SNX29: variants seen among roughly 807,000 people sequenced by gnomAD.
SNX29 encodes the protein sorting nexin-29.
SNX29 carries 78 observed loss-of-function variants against 102.1 expected under a neutral mutation model. The ratio of observed to expected loss-of-function variants is 0.76; its 90% CI spans 0.64 to 0.92. The LOEUF is 0.92. SNX29 is among the 40% of genes least tolerant of loss of function. The pLI, the probability that SNX29 is intolerant of heterozygous loss-of-function variation, is 0.00. For missense variants in SNX29, 1,280 were observed against 1,061.7 expected (o/e 1.21, Z -2.86); for synonymous variants, 580 against 414.5 (o/e 1.40, Z -4.85).
intron 10 of SNX29, among the ~76,000 whole-genome samples, chr16:12,072,416 C>T (rs371175035): frequency 2.0e-5 from 3 of 152,138 alleles, no homozygotes; most frequent in Non-Finnish European, 2.9e-5. Flanking sequence ...TCTGCATCTA[C>T]TGAGATAATC....
chr16:12,349,365 T>C (rs1026097522), intron 15 of SNX29, among the ~76,000 whole-genome samples: 2 of 152,258 alleles, frequency 1.3e-5, no homozygotes, highest in Non-Finnish European at 2.9e-5. Flanking sequence ...TGTCTAGTGC[T>C]AGATCTGGAC....
At chr16:12,446,077 A>C in intron 18 of SNX29, among the ~76,000 whole-genome samples, 1 of 116,536 alleles carries the variant, frequency 8.6e-6, no homozygotes. Context: ...TTTTTTTGAG[A>C]CAGAGCCTTG....
chr16:12,452,281 A>G (rs1316590582), intron 18 of SNX29, among the ~76,000 whole-genome samples: 1 of 64,266 alleles, frequency 1.6e-5, no homozygotes, highest in Non-Finnish European at 2.9e-5. Flanking sequence ...TTTTATTGTC[A>G]CAACTGGGGT....
At chr16:12,429,328 G>T (rs2085218274) in intron 18 of SNX29, among the ~76,000 whole-genome samples, 1 of 152,236 alleles carries the variant, frequency 6.6e-6, no homozygotes, top group South Asian at 2.1e-4. Context: ...CCAACACATA[G>T]ATACGATTGC....
chr16:12,286,071 G>T (rs999683945), intron 15 of SNX29, among the ~76,000 whole-genome samples: 1 of 151,816 alleles, frequency 6.6e-6, no homozygotes, highest in African/African-American at 2.4e-5. Context: ...TCAAACTCCT[G>T]ACCTCAAGTG....
chr16:12,013,500 A>AAAAAAAAAAAAAAAAAAATATATATAT, intron 3 of SNX29, among the ~76,000 whole-genome samples: 2 of 31,632 alleles, frequency 6.3e-5, no homozygotes, highest in Non-Finnish European at 1.2e-4. Flanking sequence ...AAAAAAAAAA[A>AAAAAAAAAAAAAAAAAAATATATATAT]ATATATATAT....
At chr16:12,553,613 G>C (rs1044042875) in intron 20 of SNX29, among the ~76,000 whole-genome samples, 2 of 137,236 alleles carry the variant, frequency 1.5e-5, no homozygotes, top group Admixed American at 8.5e-5. Flanking sequence ...CCTGCAAGAT[G>C]GAATTTTGTG....
chr16:12,024,534 C>G (rs1381267149), intron 3 of SNX29, among the ~76,000 whole-genome samples: 1 of 152,132 alleles, frequency 6.6e-6, no homozygotes, highest in Non-Finnish European at 1.5e-5. Flanking sequence ...AGTAGAACGG[C>G]CTTTGGCGAG....
At chr16:12,187,695 G>A (rs1388841526) in intron 13 of SNX29, among the ~76,000 whole-genome samples, 8 of 151,904 alleles carry the variant, frequency 5.3e-5, no homozygotes, top group African/African-American at 1.9e-4. Context: ...TTTTTTGAAG[G>A]TGTTTATTTG....
chr16:12,553,877 TC>T (rs937294423), intron 20 of SNX29, among the ~76,000 whole-genome samples: 68 of 151,912 alleles, frequency 4.5e-4, no homozygotes, highest in African/African-American at 1.5e-3. Flanking sequence ...GGAGTCTCAC[TC>T]TTTTGCCTAG....
chr16:12,536,215 A>T (rs1355785086), intron 20 of SNX29, among the ~76,000 whole-genome samples: 2 of 152,168 alleles, frequency 1.3e-5, no homozygotes, highest in East Asian at 3.9e-4. Flanking sequence ...TTGCTGAGTA[A>T]GAACAGGATT....
intron 18 of SNX29, among the ~76,000 whole-genome samples, chr16:12,415,746 G>T (rs1046169625): frequency 6.6e-6 from 1 of 152,172 alleles, no homozygotes; most frequent in African/African-American, 2.4e-5. Context: ...GGGTCTCCAT[G>T]GGGAACAGTT....
At chr16:12,021,655 A>C (rs2057024926) in intron 3 of SNX29, among the ~76,000 whole-genome samples, 1 of 152,088 alleles carries the variant, frequency 6.6e-6, no homozygotes, top group East Asian at 1.9e-4. Flanking sequence ...TGGGGGGCCA[A>C]GGTAGGCGGA....
chr16:12,432,826 C>T (rs1597362796), intron 18 of SNX29, among the ~76,000 whole-genome samples: 1 of 152,350 alleles, frequency 6.6e-6, no homozygotes, highest in South Asian at 2.1e-4. Flanking sequence ...GAGGCTGGGT[C>T]TTGCAGCCGG....
intron 1 of SNX29, among the ~76,000 whole-genome samples, chr16:11,991,096 G>A (rs1265919682): frequency 6.6e-6 from 1 of 152,230 alleles, no homozygotes; most frequent in Admixed American, 6.5e-5. Context: ...TGTAGGTTCA[G>A]TGAAAATCAG....
intron 13 of SNX29, among the ~76,000 whole-genome samples, chr16:12,136,912 A>G (rs350282): frequency 0.45 from 68,218 of 151,814 alleles, 16,978 homozygotes; most frequent in East Asian, 0.71. Context: ...GCTAATTTTT[A>G]TATTTTTAGT....
intron 19 of SNX29, among the ~76,000 whole-genome samples, chr16:12,519,422 C>T (rs1197877740): frequency 2.6e-5 from 4 of 152,168 alleles, no homozygotes; most frequent in South Asian, 4.1e-4. Flanking sequence ...AAAACTCAAA[C>T]GTTTAAACAC....
intron 19 of SNX29, among the ~76,000 whole-genome samples, chr16:12,501,929 G>A (rs1013325064): frequency 3.9e-5 from 6 of 152,128 alleles, no homozygotes; most frequent in African/African-American, 1.4e-4. Context: ...AGAAGCAACA[G>A]GCAGAGTGGA....
intron 14 of SNX29, among the ~76,000 whole-genome samples, chr16:12,205,359 A>G (rs533677494): frequency 1.1e-4 from 17 of 152,186 alleles, no homozygotes; most frequent in Non-Finnish European, 2.4e-4. Flanking sequence ...TGGAATAAAC[A>G]TGGAACCTCA....
Sources: gnomAD v4.1 joint callset for allele counts (sites outside exome capture counted in the v4.1 genomes callset) on GRCh38, gnomAD v4.1.1 for gene constraint, MANE v1.5 for transcripts, NCBI Gene and HGNC (gene_info 2026-07-23, HGNC 2026-07-21) for gene names.